Variants in DIDO1 observed in about 807,000 individuals in gnomAD.
DIDO1 encodes the protein death inducer-obliterator 1.
In DIDO1, 16 loss-of-function variants were observed where a neutral mutation model predicts 99.4. The observed-to-expected ratio is 0.16, with a 90% CI of 0.11 to 0.24. The LOEUF is 0.24. DIDO1 is among the 10% of genes least tolerant of loss of function. The pLI is 1.00. For missense variants in DIDO1, 2,996 were observed against 3,014.0 expected, an observed-to-expected ratio of 0.99 and a Z score of 0.14; for synonymous variants, 1,366 against 1,239.1, an observed-to-expected ratio of 1.10 and a Z score of -2.15.
chr20:62,920,867 T>C (rs1473793358), intron 1 of DIDO1, among the ~76,000 whole-genome samples: 1 of 152,180 alleles, frequency 6.6e-6, no homozygotes, highest in Non-Finnish European at 1.5e-5. Flanking sequence ...ACTAAATGGT[T>C]TACTTATGTT....
chr20:62,923,982 T>G (rs532672469), intron 1 of DIDO1, among the ~76,000 whole-genome samples: 1 of 152,200 alleles, frequency 6.6e-6, no homozygotes, highest in Non-Finnish European at 1.5e-5. Context: ...TCAAAATTAC[T>G]ACTCAAAAAA....
intron 15 of DIDO1, chr20:62,889,417 A>G: frequency 4.1e-6 from 4 of 985,450 alleles, no homozygotes; most frequent in Non-Finnish European, 4.8e-6. Flanking sequence ...CAGGGAGAGA[A>G]GCTCAAGAAA....
Position 62,882,246 on chromosome 20 carries a change from G to A in DIDO1, c.3710C>T (p.Ser1237Leu), listed in dbSNP as rs574624188. 6.1e-5 allele frequency: 98 copies of A among 1,613,912 alleles called. 1 individual carries two copies. The South Asian group carries it at 1.0e-3, about 17-fold the overall frequency. ...TGGATACTTGGAGGGCTTCTTTTCC[G>A]ACTGCGGGACTGTGGCTACTTTTGG... is the stretch of plus-strand genomic sequence containing the variant. ...AYPKVATVPQSEKKPSKYPLC... is the reference protein window; with the variant it reads ...AYPKVATVPQLEKKPSKYPLC... Residue 1237 changes from serine (S) to leucine (L), a missense_variant, in exon 16 of 16, where the codon TCG becomes TTG. Around this residue, in one of 5 missense-constraint regions of DIDO1, gnomAD observed 1,562 missense variants for 1,412.6 expected, o/e 1.11. Transcript: ENST00000395343.
In DIDO1 at chr20:62,881,111, G is replaced by C. The variant is rs1329738489; in HGVS notation, c.4845C>G (p.Ala1615=). The change falls in exon 16 of 16, where the codon GCC becomes GCG. Residue 1615 remains alanine, a synonymous_variant. Transcript: ENST00000395343. The surrounding 1 kb of genome is among the most constrained non-coding windows in gnomAD (Gnocchi z 8.3). The part of the protein sequence containing the change: ...PMPVPEEKEP[A]SSPWASGEKP... ...TTTCGCCCGAAGCCCAGGGGGAAGAGGCTGGCTCTTTTTCCTCCGGGACTG... is the reference window on the plus strand; with the variant it reads ...TTTCGCCCGAAGCCCAGGGGGAAGACGCTGGCTCTTTTTCCTCCGGGACTG... The C allele has an allele frequency of 1.9e-6, 3 of 1,609,524 alleles. No homozygotes were observed. Among genetic ancestry groups the C allele is most frequent in the Non-Finnish European group, 1.7e-6 (2 of 1,179,580 alleles).
At position 62,890,592 on chromosome 20, in the gene DIDO1, G is replaced by A. The variant is rs560713979; in HGVS notation, c.3541+368C>T. 1.6e-3 allele frequency: 1,785 copies of A among 1,082,636 alleles called. 10 individuals are homozygous for A. The highest frequency in any genetic ancestry group is 0.013 in the Middle Eastern group (31 of 2,376). 67.1% of individuals were successfully genotyped at this position (1,082,636 alleles called of 1,614,324 possible). ...ATGGAGCCACTTCCCGGTGTGTGCT[G>A]GCTCCCGAGTCTGTCTAGAGGAAAG... On this transcript the variant is annotated intron_variant, in intron 15 of 15. Coordinates refer to ENST00000395343, the MANE Select transcript of DIDO1 (RefSeq NM_001193369.2).
At position 62,879,860 on chromosome 20, in the gene DIDO1, G is replaced by C. The variant is rs148010857; in HGVS notation, c.6096C>G (p.His2032Gln). The C allele has an allele frequency of 6.3e-7, 1 of 1,596,424 alleles. No homozygotes were observed. Among genetic ancestry groups the C allele is most frequent in the Non-Finnish European group, 8.5e-7 (1 of 1,172,486 alleles). ...AGCGGTCCTTCCGGTGCTGCGGGGG[G>C]TGGCTGGGAAGCTCCAGCAGGGGCC... The part of the protein sequence containing the change: ...GPRPLLELPS[H>Q]PPQHRKDRWE... Residue 2032 changes from histidine to glutamine, a missense_variant, in exon 16 of 16, where the codon CAC (histidine) becomes CAG (glutamine). By Grantham distance (24) the His-to-Gln change is conservative (BLOSUM62 0). This residue lies in a region of DIDO1 where 1,562 missense variants were observed against 1,412.6 expected (regional missense o/e 1.11). Coordinates refer to ENST00000395343, the MANE Select transcript of DIDO1 (RefSeq NM_001193369.2). This position sits in a 1 kb window ranked among gnomAD's most constrained non-coding sequence, Gnocchi z 6.3.
At chr20:62,900,873 C>A (rs1215397410) in intron 6 of DIDO1, among the ~76,000 whole-genome samples, 3 of 152,206 alleles carry the variant, frequency 2.0e-5, no homozygotes, top group African/African-American at 7.2e-5. Flanking sequence ...ACAGACTCAA[C>A]AGTCAGTGAA....
rs41282986 is a variant in DIDO1 at position 62,888,774 on chromosome 20, C to T, written c.3541+2186G>A. On this transcript the variant is annotated intron_variant, in intron 15 of 15. Transcript: ENST00000395343. ...CAAGTAATCAGTACGTGAAGCGGGC[C>T]GAGTACCCGATGGCCTGGCCCGGGG... The T allele has an allele frequency of 3.5e-3, 3,488 of 985,386 alleles. 8 individuals are homozygous for T. The highest frequency in any genetic ancestry group is 0.015 in the South Asian group (319 of 21,288). The allele number at this position is 985,386 out of a possible 1,614,324, so 61.0% of individuals were successfully genotyped here. A position where few individuals can be genotyped will look rare whatever the true frequency, so the allele number is the denominator to read the frequency against.
upstream of DIDO1, among the ~76,000 whole-genome samples, chr20:62,930,711 G>C (rs938515620): frequency 2.6e-5 from 4 of 152,228 alleles, no homozygotes; most frequent in Admixed American, 6.5e-5. Flanking sequence ...CTTATCATTT[G>C]TATGTTACCA....
intron 1 of DIDO1, among the ~76,000 whole-genome samples, chr20:62,923,068 C>G (rs1426107367): frequency 1.3e-5 from 2 of 152,204 alleles, no homozygotes; most frequent in Non-Finnish European, 2.9e-5. Flanking sequence ...GTAGCAGAAC[C>G]ACGGCTCACT....
At position 62,880,513 on chromosome 20, in the gene DIDO1, G is replaced by C. The variant is rs776737102; in HGVS notation, c.5443C>G (p.His1815Asp). 1 of 1,612,988 alleles carries C rather than the reference G, an allele frequency of 6.2e-7. No individual in the cohort carries two copies. The highest frequency in any genetic ancestry group is 1.1e-5 in the South Asian group (1 of 91,090). ...GPIPSLFSGQ[H>D]GPPPYGDSRG... The stretch of plus-strand genomic sequence containing the variant: ...CTGTCCCCATAAGGAGGTGGCCCAT[G>C]TTGCCCCGAGAATAAGGAAGGGATG... Residue 1815 changes from histidine (H) to aspartate (D), a missense_variant, in exon 16 of 16, where the codon CAT (histidine) becomes GAT (aspartate). His to Asp is a moderately conservative substitution (Grantham distance 81). Transcript: ENST00000395343.
At chr20:62,910,139 G>T in intron 3 of DIDO1, 119 bp from the exon 4 acceptor site, 2 of 1,088,654 alleles carry the variant, frequency 1.8e-6, no homozygotes, top group South Asian at 1.6e-5. Flanking sequence ...GAAAAGTAGA[G>T]ATTAAGAACG....
In DIDO1 at chr20:62,887,740, T is replaced by A. The variant is rs59309819; in HGVS notation, c.3541+3220A>T. On this transcript the variant is annotated intron_variant, in intron 15 of 15. Transcript: ENST00000395343. ...TTCAACCTGACTCATCTCCCTTCCATGAACAAGGCCCTGAGACAGGCCGGG... is the reference window on the plus strand; with the variant it reads ...TTCAACCTGACTCATCTCCCTTCCAAGAACAAGGCCCTGAGACAGGCCGGG... The A allele has an allele frequency of 4.3e-3, 4,191 of 985,448 alleles. 131 individuals carry two copies. In the African/African-American group the frequency reaches 0.066, roughly 16 times the overall value. 61.0% of individuals were successfully genotyped at this position (985,448 alleles called of 1,614,324 possible). A position where few individuals can be genotyped will look rare whatever the true frequency, so the allele number is the denominator to read the frequency against.
chr20:62,915,549 C>G (rs976361404), intron 1 of DIDO1, among the ~76,000 whole-genome samples: 5 of 152,134 alleles, frequency 3.3e-5, no homozygotes, highest in African/African-American at 1.2e-4. Context: ...AGTGCAGTGG[C>G]CCAATCATGG....
chr20:62,885,800 ACT>A (rs1320510148), intron 15 of DIDO1, among the ~76,000 whole-genome samples: 5 of 152,150 alleles, frequency 3.3e-5, no homozygotes, highest in African/African-American at 1.2e-4. Context: ...CTTGGAAATA[ACT>A]CTTCGTGGAA....
chr20:62,905,611 A>G (rs1483847884), intron 6 of DIDO1: 4 of 1,552,374 alleles, frequency 2.6e-6, no homozygotes, highest in Non-Finnish European at 3.5e-6. Context: ...CCTGAGAGTG[A>G]AAACAGAGAT....
Position 62,881,214 on chromosome 20 carries a change from A to G in DIDO1, c.4742T>C (p.Leu1581Pro), listed in dbSNP as rs760995613. 1.2e-6 allele frequency: 2 copies of G among 1,605,046 alleles called. No individual in the cohort carries two copies. Among genetic ancestry groups the G allele is most frequent in the East Asian group, 4.5e-5 (2 of 44,818 alleles). Residue 1581 changes from leucine to proline, a missense_variant, in exon 16 of 16, where the codon CTC (leucine) becomes CCC (proline). By Grantham distance (98) the Leu-to-Pro change is moderately conservative. Transcript: ENST00000395343. The surrounding 1 kb of genome is among the most constrained non-coding windows in gnomAD (Gnocchi z 8.3). Reference sequence around the variant, plus strand: ...GGCACCCTGGGCACCACGTGCCGAGAGCCTGGAGAGAGGCTCCCCCTCCCC... The same window carrying G: ...GGCACCCTGGGCACCACGTGCCGAGGGCCTGGAGAGAGGCTCCCCCTCCCC... ...GEGEGEPLSR[L>P]SARGAQGALP...
chr20:62,934,466 C>T (rs989634025), intron 1 of DIDO1, among the ~76,000 whole-genome samples: 2 of 152,202 alleles, frequency 1.3e-5, no homozygotes, highest in Non-Finnish European at 2.9e-5. Context: ...CTGGCGTTCC[C>T]TATCCAGAGG....
intron 1 of DIDO1, among the ~76,000 whole-genome samples, chr20:62,937,413 G>A (rs1433039216): frequency 6.6e-6 from 1 of 152,022 alleles, no homozygotes; most frequent in Non-Finnish European, 1.5e-5. Flanking sequence ...GCCCCGCGCC[G>A]CCGCCGGGAC....
Sources: gnomAD v4.1 joint callset for allele counts (sites outside exome capture counted in the v4.1 genomes callset) on GRCh38, gnomAD v4.1.1 for gene constraint, gnomAD v4.1.1 regional missense constraint, Gnocchi (gnomAD v3.1) non-coding constraint, MANE v1.5 for transcripts, NCBI Gene and HGNC (gene_info 2026-07-23, HGNC 2026-07-21) for gene names.